The following LSAMP variants were observed in gnomAD, a reference collection of about 807,000 sequenced individuals.
The protein encoded by LSAMP is limbic system associated membrane protein, also known as limbic system-associated membrane protein.
Under a neutral mutation model 38.6 loss-of-function variants are expected in LSAMP, and 7 were observed. The observed-to-expected ratio is 0.18, with a 90% confidence interval of 0.10 to 0.34. LSAMP has a LOEUF of 0.34. Ranked by LOEUF, LSAMP falls within the 10% of genes least tolerant of loss-of-function variation. LSAMP has a pLI of 1.00. For synonymous variants in LSAMP, 154 were observed against 166.8 expected (o/e 0.92, Z 0.59); for missense variants, 313 against 420.0 (o/e 0.75, Z 2.23).
At chr3:116,013,598 C>G (rs1026784835) in intron 3 of LSAMP, among the ~76,000 whole-genome samples, 12 of 151,984 alleles carry the variant, frequency 7.9e-5, no homozygotes, top group African/African-American at 2.7e-4. Context: ...CTGTTATTTA[C>G]TACAGTATAT....
chr3:116,217,554 T>C (rs181600485), intron 1 of LSAMP, among the ~76,000 whole-genome samples: 2,570 of 152,330 alleles, frequency 0.017, 34 homozygotes, highest in Middle Eastern at 0.031. Flanking sequence ...CGAGGCATTC[T>C]ACAGGCTTGT....
intron 1 of LSAMP, among the ~76,000 whole-genome samples, chr3:116,352,724 A>C (rs1383594924): frequency 6.6e-6 from 1 of 152,138 alleles, no homozygotes; most frequent in East Asian, 1.9e-4. Context: ...TCTTGTAACT[A>C]ATTATAAAAT....
chr3:116,194,721 G>A (rs1401461102), intron 1 of LSAMP, among the ~76,000 whole-genome samples: 3 of 152,110 alleles, frequency 2.0e-5, no homozygotes, highest in African/African-American at 7.2e-5. Flanking sequence ...AGCCCACTAC[G>A]CCTCCTATCC....
At chr3:116,192,045 A>T (rs769190913) in intron 1 of LSAMP, among the ~76,000 whole-genome samples, 1 of 152,198 alleles carries the variant, frequency 6.6e-6, no homozygotes, top group Non-Finnish European at 1.5e-5. Flanking sequence ...TAACAAACAT[A>T]ACCTAACCTA....
chr3:115,915,424 T>G (rs1341719128), intron 3 of LSAMP, among the ~76,000 whole-genome samples: 3 of 152,186 alleles, frequency 2.0e-5, no homozygotes, highest in Non-Finnish European at 4.4e-5. Context: ...CTAGGTCAGT[T>G]CCTTCCTTTT....
intron 3 of LSAMP, among the ~76,000 whole-genome samples, chr3:115,985,631 G>A (rs1279240319): frequency 6.6e-6 from 1 of 152,138 alleles, no homozygotes; most frequent in East Asian, 1.9e-4. Flanking sequence ...CTTTGGTTTT[G>A]GCTGTTGTTA....
At chr3:116,385,637 C>A (rs2048616633) in intron 1 of LSAMP, among the ~76,000 whole-genome samples, 1 of 152,082 alleles carries the variant, frequency 6.6e-6, no homozygotes. Context: ...TTAAGAGACT[C>A]ATGATTATTA....
At chr3:115,832,922 C>G (rs1053136590) in intron 6 of LSAMP, among the ~76,000 whole-genome samples, 2 of 152,130 alleles carry the variant, frequency 1.3e-5, no homozygotes, top group Admixed American at 1.3e-4. Context: ...CAGTATCCGA[C>G]AGCTGTCTTT....
rs72961535 is a variant in LSAMP at position 116,171,921 on chromosome 3, T to C, written c.156-85365A>G. On this transcript the variant is annotated intron_variant, in intron 1 of 6. Transcript: ENST00000490035. The stretch of plus-strand genomic sequence containing the variant: ...ACTGATCGATAAAAGGAAGACTGAA[T>C]AGGCATGCATGGATCCTTCATGGGG... Among the ~76,000 whole-genome samples, 255 of 152,182 alleles carry C rather than the reference T, an allele frequency of 1.7e-3. 1 individual carries two copies. Among genetic ancestry groups the C allele is most frequent in the African/African-American group, 5.8e-3 (240 of 41,572 alleles).
At chr3:116,403,580 T>A (rs2048865245) in intron 1 of LSAMP, among the ~76,000 whole-genome samples, 1 of 152,168 alleles carries the variant, frequency 6.6e-6, no homozygotes, top group Admixed American at 6.6e-5. Context: ...AAAATTTAGC[T>A]AAAAGTCTAA....
chr3:116,115,475 A>T (rs578155808), intron 1 of LSAMP, among the ~76,000 whole-genome samples: 1 of 152,344 alleles, frequency 6.6e-6, no homozygotes, highest in African/African-American at 2.4e-5. Context: ...ACATCTGCAT[A>T]GGGCTATAAT....
At chr3:115,911,407 G>A (rs145557342) in intron 3 of LSAMP, among the ~76,000 whole-genome samples, 71 of 152,228 alleles carry the variant, frequency 4.7e-4, no homozygotes, top group Non-Finnish European at 8.1e-4. Context: ...ACCCAGGCTG[G>A]AGTGTAGTGG....
intron 2 of LSAMP, among the ~76,000 whole-genome samples, chr3:116,026,022 C>T (rs76661332): frequency 0.012 from 1,895 of 152,190 alleles, 43 homozygotes; most frequent in African/African-American, 0.042. Context: ...TGGGCTCAAG[C>T]GATTCTTCTA....
intron 1 of LSAMP, among the ~76,000 whole-genome samples, chr3:116,155,022 TTTTTG>T (rs1312473531): frequency 1.3e-5 from 2 of 151,794 alleles, no homozygotes; most frequent in Non-Finnish European, 2.9e-5. Context: ...GTTTTGGTTT[TTTTTG>T]TTTTTTGTTT....
chr3:116,121,526 T>G, intron 1 of LSAMP, among the ~76,000 whole-genome samples: 1 of 152,200 alleles, frequency 6.6e-6, no homozygotes, highest in East Asian at 1.9e-4. Context: ...TCCCCCAAGT[T>G]CTCTAGAACC....
Position 115,911,256 on chromosome 3 carries a change from G to A in LSAMP, c.515-58639C>T, listed in dbSNP as rs1241069450. Among the ~76,000 whole-genome samples the A allele has an allele frequency of 4.6e-5, 7 of 152,312 alleles. No homozygotes were observed. The South Asian group carries it at 1.0e-3, about 23-fold the overall frequency. Reference sequence around the variant, plus strand: ...TCTTATTGCTATGTAGTGTTTTGTGGAATGGATGTACCACAGTTTCTTCAA... The same window carrying A: ...TCTTATTGCTATGTAGTGTTTTGTGAAATGGATGTACCACAGTTTCTTCAA... On this transcript the variant is annotated intron_variant, in intron 3 of 6. Coordinates refer to ENST00000490035, the MANE Select transcript of LSAMP (RefSeq NM_002338.5).
intron 1 of LSAMP, among the ~76,000 whole-genome samples, chr3:116,288,025 T>C (rs1305047204): frequency 6.6e-6 from 1 of 152,032 alleles, no homozygotes. Flanking sequence ...GGCAAAAAGA[T>C]TTAAAAAAAA....
intron 1 of LSAMP, among the ~76,000 whole-genome samples, chr3:116,207,462 G>T (rs200050865): frequency 0.6 from 87,561 of 146,854 alleles, 26,746 homozygotes; most frequent in East Asian, 0.76. Context: ...GTTAGCTGGT[G>T]ATTTTGCTCG....
chr3:116,349,351 A>G (rs1302490228), intron 1 of LSAMP, among the ~76,000 whole-genome samples: 1 of 152,038 alleles, frequency 6.6e-6, no homozygotes, highest in Non-Finnish European at 1.5e-5. Flanking sequence ...AATTTAAAAA[A>G]TATATTAGAT....
Sources: allele counts gnomAD v4.1 joint callset (sites outside exome capture counted in the v4.1 genomes callset), GRCh38; gene constraint gnomAD v4.1.1; transcripts MANE v1.5; gene names NCBI Gene and HGNC (gene_info 2026-07-23, HGNC 2026-07-21).